Variants in SDK1 observed in about 807,000 individuals in gnomAD.
SDK1 encodes the protein protein sidekick-1.
In SDK1, 157 loss-of-function variants were observed where a neutral mutation model predicts 245.5. The observed-to-expected ratio is 0.64, with a 90% CI of 0.56 to 0.73. The LOEUF is 0.73. Among genes scored for constraint, SDK1 ranks in the 30% least tolerant of loss-of-function variants. The probability of loss-of-function intolerance (pLI) is 0.00; values close to 1 mark genes in which losing one functional copy is unlikely to be tolerated. For missense variants in SDK1, 3,583 were observed against 3,002.3 expected, an observed-to-expected ratio of 1.19 and a Z score of -4.52; for synonymous variants, 1,647 against 1,278.5, an observed-to-expected ratio of 1.29 and a Z score of -6.15.
chr7:3,392,150 C>T (rs537467280), intron 1 of SDK1, among the ~76,000 whole-genome samples: 7 of 151,918 alleles, frequency 4.6e-5, no homozygotes, highest in East Asian at 1.9e-4. Context: ...AGTAACTGAA[C>T]GCTTAAAACC....
chr7:3,634,390 A>G (rs2128649239), intron 2 of SDK1, among the ~76,000 whole-genome samples: 1 of 152,322 alleles, frequency 6.6e-6, no homozygotes, highest in Admixed American at 6.5e-5. Flanking sequence ...ATTAGCAGAA[A>G]TGGACATTTA....
At chr7:4,224,664 T>C (rs950895867) in intron 40 of SDK1, among the ~76,000 whole-genome samples, 9 of 151,998 alleles carry the variant, frequency 5.9e-5, no homozygotes, top group Admixed American at 6.6e-5. Flanking sequence ...TGAGAAAGTG[T>C]CCTTGAGCCA....
intron 38 of SDK1, among the ~76,000 whole-genome samples, chr7:4,214,778 A>G (rs1462235834): frequency 6.6e-6 from 1 of 152,172 alleles, no homozygotes; most frequent in Non-Finnish European, 1.5e-5. Context: ...GCCCCCACCC[A>G]ATGGCCTTAT....
intron 1 of SDK1, among the ~76,000 whole-genome samples, chr7:3,477,695 G>T (rs1369221516): frequency 6.6e-6 from 1 of 151,666 alleles, no homozygotes; most frequent in Non-Finnish European, 1.5e-5. Context: ...TAATTTTTTT[G>T]TGGAGATAGA....
At chr7:3,649,576 C>T (rs190752084) in intron 4 of SDK1, among the ~76,000 whole-genome samples, 1 of 152,136 alleles carries the variant, frequency 6.6e-6, no homozygotes, top group Admixed American at 6.5e-5. Context: ...TCAATGTGAT[C>T]CTTAATAATA....
At chr7:3,669,558 C>G (rs564397449) in intron 4 of SDK1, among the ~76,000 whole-genome samples, 1 of 152,072 alleles carries the variant, frequency 6.6e-6, no homozygotes, top group South Asian at 2.1e-4. Flanking sequence ...TTTTCTGGCT[C>G]TCTTCTTCTT....
At chr7:3,652,175 T>C (rs969497019) in intron 4 of SDK1, among the ~76,000 whole-genome samples, 1 of 152,218 alleles carries the variant, frequency 6.6e-6, no homozygotes, top group East Asian at 1.9e-4. Context: ...ATTTTTCTTG[T>C]GAGCGGCTGC....
At chr7:3,386,834 C>T (rs1162553795) in intron 1 of SDK1, among the ~76,000 whole-genome samples, 2 of 152,106 alleles carry the variant, frequency 1.3e-5, no homozygotes, top group Non-Finnish European at 2.9e-5. Context: ...CCTTCTTCAA[C>T]GTTTTGGCCC....
intron 1 of SDK1, among the ~76,000 whole-genome samples, chr7:3,570,588 C>G (rs975587242): frequency 4.6e-5 from 7 of 152,168 alleles, no homozygotes; most frequent in Non-Finnish European, 1.0e-4. Context: ...AAGAAAGTCT[C>G]CAATTCTGTC....
chr7:3,511,320 CGT>C (rs1782572776), intron 1 of SDK1, among the ~76,000 whole-genome samples: 1 of 152,066 alleles, frequency 6.6e-6, no homozygotes, highest in African/African-American at 2.4e-5. Context: ...TACCTATTTA[CGT>C]GTGTTGAGAT....
At chr7:3,702,699 T>C (rs1784773374) in intron 4 of SDK1, among the ~76,000 whole-genome samples, 1 of 152,168 alleles carries the variant, frequency 6.6e-6, no homozygotes, top group Non-Finnish European at 1.5e-5. Context: ...GTTGGACTAG[T>C]ATTGGAGATC....
intron 5 of SDK1, among the ~76,000 whole-genome samples, chr7:3,836,226 C>G (rs1012768909): frequency 2.6e-5 from 4 of 152,208 alleles, no homozygotes; most frequent in African/African-American, 9.6e-5. Context: ...AAATGAGTTG[C>G]TTTACAAATG....
At chr7:3,321,724 T>TCTCCCTCCCATCCCCTCCCCC (rs1324582868) in intron 1 of SDK1, among the ~76,000 whole-genome samples, 1 of 25,236 alleles carries the variant, frequency 4.0e-5, no homozygotes, top group Admixed American at 4.3e-4. Context: ...CCCTCTCCCC[T>TCTCCCTCCCATCCCCTCCCCC]CTCCCTCCCA....
intron 1 of SDK1, among the ~76,000 whole-genome samples, chr7:3,349,311 G>C (rs1366473020): frequency 6.6e-6 from 1 of 152,034 alleles, no homozygotes; most frequent in African/African-American, 2.4e-5. Context: ...TTATTAGACT[G>C]TGGTTCATAA....
intron 1 of SDK1, among the ~76,000 whole-genome samples, chr7:3,550,144 ATCTC>A (rs1442037796): frequency 6.6e-6 from 1 of 152,170 alleles, no homozygotes; most frequent in African/African-American, 2.4e-5. Context: ...ATATGTGTCT[ATCTC>A]AATATATGCA....
intron 19 of SDK1, 54 bp from the exon 20 acceptor site, chr7:4,067,784 C>G (rs758784138): frequency 1.2e-4 from 164 of 1,395,450 alleles, no homozygotes; most frequent in Non-Finnish European, 1.5e-4. Context: ...CACATCTGAT[C>G]AAAAGAAAAT....
intron 44 of SDK1, among the ~76,000 whole-genome samples, chr7:4,264,801 A>T (rs1788350398): frequency 6.6e-6 from 1 of 151,764 alleles, no homozygotes; most frequent in Non-Finnish European, 1.5e-5. Flanking sequence ...GACCATGTAG[A>T]TTGCTCCTGA....
At position 4,149,250 on chromosome 7, in the gene SDK1, A is replaced by G; in HGVS notation, c.4424-12A>G. ...TCTCACATGTCCCTGGTCTGTCCTC[A>G]TTTGGTTGCAGAGCGGCCGGCACCC... is the stretch of plus-strand genomic sequence containing the variant. On this transcript the variant is annotated splice_polypyrimidine_tract_variant and intron_variant, in intron 29 of 44. Coordinates refer to ENST00000404826, the MANE Select transcript of SDK1 (RefSeq NM_152744.4). 1 of 1,505,192 alleles carries G rather than the reference A, an allele frequency of 6.6e-7. No homozygotes were observed. Among genetic ancestry groups the G allele is most frequent in the Non-Finnish European group, 8.9e-7 (1 of 1,127,146 alleles). The allele number at this position is 1,505,192 out of a possible 1,614,324, so 93.2% of individuals were successfully genotyped here.
At chr7:3,780,479 A>G (rs568840596) in intron 4 of SDK1, among the ~76,000 whole-genome samples, 2 of 152,286 alleles carry the variant, frequency 1.3e-5, no homozygotes, top group South Asian at 4.1e-4. Flanking sequence ...TCCCAATAGC[A>G]GATACCAGTC....
Sources: allele counts gnomAD v4.1 joint callset (sites outside exome capture counted in the v4.1 genomes callset), GRCh38; gene constraint gnomAD v4.1.1; transcripts MANE v1.5; gene names NCBI Gene and HGNC (gene_info 2026-07-23, HGNC 2026-07-21).